The following AP2B1 variants were observed in gnomAD, a reference collection of about 807,000 sequenced individuals.
AP2B1 encodes adaptor related protein complex 2 subunit beta 1.
AP2B1 carries 23 observed loss-of-function variants against 102.0 expected under a neutral mutation model. The observed-to-expected ratio is 0.23, with a 90% CI of 0.16 to 0.32. The LOEUF is 0.32. AP2B1 is among the 10% of genes least tolerant of loss of function. AP2B1 has a pLI of 1.00. For missense variants in AP2B1, 541 were observed against 1,157.4 expected (o/e 0.47, Z 7.73); for synonymous variants, 381 against 421.2 (o/e 0.90, Z 1.17).
intron 21 of AP2B1, among the ~76,000 whole-genome samples, chr17:35,722,766 A>G (rs2085439890): frequency 6.6e-6 from 1 of 152,084 alleles, no homozygotes; most frequent in Non-Finnish European, 1.5e-5. Flanking sequence ...TAGCTATTAA[A>G]TTTTCTGGTT....
At chr17:35,675,799 A>G (rs1306118603) in intron 17 of AP2B1, among the ~76,000 whole-genome samples, 1 of 151,064 alleles carries the variant, frequency 6.6e-6, no homozygotes, top group African/African-American at 2.4e-5. Context: ...CTCTTTGTTT[A>G]TCTTTTATAT....
chr17:35,711,538 G>A (rs11656443), intron 20 of AP2B1, among the ~76,000 whole-genome samples: 39,228 of 150,914 alleles, frequency 0.26, 5,628 homozygotes, highest in South Asian at 0.35. Flanking sequence ...GCACAATCTC[G>A]GCTCACTGCA....
At chr17:35,647,887 G>T (rs984297243) in intron 12 of AP2B1, among the ~76,000 whole-genome samples, 4 of 46,054 alleles carry the variant, frequency 8.7e-5, no homozygotes, top group African/African-American at 4.9e-4. Flanking sequence ...GGTTTTGGGG[G>T]TTTGTTTTTT....
At chr17:35,676,465 G>A (rs181594329) in intron 17 of AP2B1, among the ~76,000 whole-genome samples, 34 of 152,238 alleles carry the variant, frequency 2.2e-4, no homozygotes, top group African/African-American at 7.9e-4. Context: ...CCCTTTTGTT[G>A]TTAAGTAATA....
At chr17:35,677,504 A>G (rs1443234556) in intron 17 of AP2B1, among the ~76,000 whole-genome samples, 1 of 152,122 alleles carries the variant, frequency 6.6e-6, no homozygotes, top group Non-Finnish European at 1.5e-5. Flanking sequence ...TCAATGTAAA[A>G]ACTTTTTCCG....
intron 18 of AP2B1, among the ~76,000 whole-genome samples, chr17:35,699,617 G>A (rs1003969558): frequency 6.6e-6 from 1 of 152,186 alleles, no homozygotes; most frequent in East Asian, 1.9e-4. Flanking sequence ...TGGAAGGAAA[G>A]TCAATTGACA....
chr17:35,640,143 C>T (rs1343869627), intron 11 of AP2B1, among the ~76,000 whole-genome samples: 1 of 151,934 alleles, frequency 6.6e-6, no homozygotes, highest in Non-Finnish European at 1.5e-5. Flanking sequence ...TCTTGAACTC[C>T]TGAACTTAGG....
intron 5 of AP2B1, among the ~76,000 whole-genome samples, chr17:35,614,830 T>A (rs1353305879): frequency 6.6e-6 from 1 of 152,082 alleles, no homozygotes; most frequent in African/African-American, 2.4e-5. Flanking sequence ...TTATGAAAAA[T>A]AACATTTTTC....
At chr17:35,680,693 T>TTTGG (rs773268317) in intron 17 of AP2B1, among the ~76,000 whole-genome samples, 988 of 57,482 alleles carry the variant, frequency 0.017, 15 homozygotes, top group African/African-American at 0.098. Context: ...TTGGTTTTTT[T>TTTGG]TTTTTTGTTT....
intron 10 of AP2B1, among the ~76,000 whole-genome samples, chr17:35,636,998 A>G (rs1169922557): frequency 6.6e-6 from 1 of 152,188 alleles, no homozygotes; most frequent in Non-Finnish European, 1.5e-5. Flanking sequence ...AGTTATTCTC[A>G]TACAGATATA....
Position 35,725,035 on chromosome 17 carries a change from C to T in AP2B1, c.*1336C>T, listed in dbSNP as rs2085496684. Reference sequence around the variant, plus strand: ...AGAGATGTTGCAAATGCTCTTTATCCCTTCAGCTCTCTGATCTGCTCTTTC... The same window carrying T: ...AGAGATGTTGCAAATGCTCTTTATCTCTTCAGCTCTCTGATCTGCTCTTTC... On this transcript the variant is annotated 3_prime_UTR_variant, in exon 22 of 22. Transcript: ENST00000610402. 6.6e-6 allele frequency: 1 copy of T among 152,154 alleles called. No individual in the cohort carries two copies. The highest frequency in any genetic ancestry group is 2.4e-5 in the African/African-American group (1 of 41,428). The allele number at this position is 152,154 out of a possible 1,614,324, so 9.4% of individuals were successfully genotyped here.
At chr17:35,596,801 CCCCCGCAGCGCTGCCAGG>C (rs2073298668) in intron 2 of AP2B1, 2 of 622,190 alleles carry the variant, frequency 3.2e-6, no homozygotes, top group Admixed American at 4.3e-5. Flanking sequence ...GCTGCATGGG[CCCCCGCAGCGCTGCCAGG>C]CCCCGCAGGC....
chr17:35,669,615 T>A (rs2075544074), intron 14 of AP2B1, among the ~76,000 whole-genome samples: 1 of 152,202 alleles, frequency 6.6e-6, no homozygotes, highest in Non-Finnish European at 1.5e-5. Flanking sequence ...GTTATTTTCT[T>A]TCATGGTTTA....
intron 12 of AP2B1, among the ~76,000 whole-genome samples, chr17:35,647,063 CA>C (rs1436812337): frequency 6.6e-6 from 1 of 152,086 alleles, no homozygotes; most frequent in East Asian, 1.9e-4. Context: ...TCCATAAAGA[CA>C]AACTGAATTT....
chr17:35,614,942 A>G (rs1369230778), intron 5 of AP2B1, among the ~76,000 whole-genome samples: 1 of 152,178 alleles, frequency 6.6e-6, no homozygotes, highest in African/African-American at 2.4e-5. Context: ...TCTACTCTCC[A>G]GAGGACATTT....
intron 2 of AP2B1, among the ~76,000 whole-genome samples, chr17:35,596,212 T>C (rs1254846626): frequency 1.3e-5 from 2 of 152,176 alleles, no homozygotes; most frequent in Non-Finnish European, 2.9e-5. Context: ...ATTCAGACTT[T>C]CTGAAACCCC....
At position 35,674,253 on chromosome 17, in the gene AP2B1, G is replaced by A; in HGVS notation, c.2256G>A (p.Met752Ile). Residue 752 changes from methionine to isoleucine, a missense_variant, in exon 17 of 22, where the codon ATG becomes ATA. Met to Ile is a conservative substitution (Grantham distance 10). Around this residue, in one of 10 missense-constraint regions of AP2B1, gnomAD observed 62 missense variants for 87.6 expected, o/e 0.71. Coordinates refer to ENST00000610402, the MANE Select transcript of AP2B1 (RefSeq NM_001030006.2). Reference protein sequence around the residue: ...TFTHRQGHIYMEMNFTNKALQ... With the variant: ...TFTHRQGHIYIEMNFTNKALQ... ...CTCACCGCCAAGGGCACATCTATAT[G>A]GAAATGAACTTCACCAATAAAGCTC... is the stretch of plus-strand genomic sequence containing the variant. 1.2e-6 allele frequency: 2 copies of A among 1,614,158 alleles called. No homozygotes were observed. Among genetic ancestry groups the A allele is most frequent in the Non-Finnish European group, 1.7e-6 (2 of 1,180,036 alleles).
intron 18 of AP2B1, among the ~76,000 whole-genome samples, chr17:35,691,143 A>G (rs1444854817): frequency 1.3e-5 from 2 of 152,008 alleles, no homozygotes; most frequent in African/African-American, 2.4e-5. Flanking sequence ...CAGTCTGTTC[A>G]TGTAACCTTT....
rs544252179 is a variant in AP2B1, at chr17:35,594,085, A to G, written c.37+18A>G. The G allele has an allele frequency of 4.5e-6, 7 of 1,565,374 alleles. No homozygotes were observed. Among genetic ancestry groups the G allele is most frequent in the Admixed American group, 3.6e-5 (2 of 55,444 alleles). ...TAAAAAAGGTAAGTATGAGAATACA[A>G]TCAAATCTTTTGAAATTTTCAAAAG... On this transcript the variant is annotated intron_variant, in intron 2 of 21. Coordinates refer to ENST00000610402, the MANE Select transcript of AP2B1 (RefSeq NM_001030006.2).
Sources: allele counts gnomAD v4.1 joint callset (sites outside exome capture counted in the v4.1 genomes callset), GRCh38; gene constraint gnomAD v4.1.1; regional missense constraint gnomAD v4.1.1; transcripts MANE v1.5; gene names NCBI Gene and HGNC (gene_info 2026-07-23, HGNC 2026-07-21).